Variants in KIAA1549L observed in about 807,000 individuals in gnomAD.
The protein encoded by KIAA1549L is UPF0606 protein KIAA1549L.
In KIAA1549L, 88 loss-of-function variants were observed where a neutral mutation model predicts 160.7. That is an observed-to-expected ratio of 0.55 (90% CI 0.46 to 0.65). KIAA1549L has a LOEUF of 0.65. Among genes scored for constraint, KIAA1549L ranks in the 30% least tolerant of loss-of-function variants. KIAA1549L has a pLI of 0.00. For synonymous variants in KIAA1549L, 950 were observed against 976.7 expected, an observed-to-expected ratio of 0.97 and a Z score of 0.51; for missense variants, 2,258 against 2,437.5, an observed-to-expected ratio of 0.93 and a Z score of 1.55.
chr11:33,667,795 C>A (rs1852522794), intron 20 of KIAA1549L, 78 bp from the exon 21 acceptor site: 2 of 1,288,982 alleles, frequency 1.6e-6, no homozygotes, highest in African/African-American at 1.5e-5. Context: ...CCTCCTGCTT[C>A]CAGTGTCAAG....
chr11:33,598,804 C>T lies in KIAA1549L; in HGVS notation c.4752-16C>T, dbSNP rs372905748. On this transcript the variant is annotated splice_polypyrimidine_tract_variant and intron_variant, in intron 12 of 20. Transcript: ENST00000658780. Reference sequence around the variant, plus strand: ...TTGAAACTTACCGTCTCCCCTGTTGCTATGGTTACCTCCAGCAGGTCGCCC... The same window carrying T: ...TTGAAACTTACCGTCTCCCCTGTTGTTATGGTTACCTCCAGCAGGTCGCCC... 1.5e-5 allele frequency: 24 copies of T among 1,613,588 alleles called. No homozygotes were observed. In the African/African-American group the frequency reaches 2.9e-4, roughly 20 times the overall value.
In KIAA1549L at chr11:33,668,910, C is replaced by T. The variant is rs1852578704; in HGVS notation, c.*756C>T. 1.3e-5 allele frequency: 2 copies of T among 152,256 alleles called. No individual in the cohort carries two copies. Among genetic ancestry groups the T allele is most frequent in the Non-Finnish European group, 2.9e-5 (2 of 68,010 alleles). The allele number at this position is 152,256 out of a possible 1,614,324, so 9.4% of individuals were successfully genotyped here. ...AGTTAGGATCTAACTGAAAGAGAATCGGTGCTAAGAGCTTTTAGGATCCTA... is the reference window on the plus strand; with the variant it reads ...AGTTAGGATCTAACTGAAAGAGAATTGGTGCTAAGAGCTTTTAGGATCCTA... On this transcript the variant is annotated 3_prime_UTR_variant, in exon 21 of 21. Transcript: ENST00000658780.
At chr11:33,649,138 G>A (rs867975723) in intron 17 of KIAA1549L, among the ~76,000 whole-genome samples, 14 of 152,160 alleles carry the variant, frequency 9.2e-5, no homozygotes, top group Middle Eastern at 3.4e-3. Flanking sequence ...CTTTCTACCC[G>A]CTGGGTGACT....
intron 10 of KIAA1549L, among the ~76,000 whole-genome samples, chr11:33,578,307 A>G (rs1855523462): frequency 6.6e-6 from 1 of 152,130 alleles, no homozygotes; most frequent in Non-Finnish European, 1.5e-5. Flanking sequence ...GAGAGTCGAG[A>G]TTCAAACTCT....
intron 17 of KIAA1549L, among the ~76,000 whole-genome samples, chr11:33,651,672 C>T (rs1180227257): frequency 1.3e-5 from 2 of 152,104 alleles, no homozygotes; most frequent in Non-Finnish European, 2.9e-5. Context: ...TTATCTTCAC[C>T]AGATCCCTCC....
chr11:33,456,783 G>T (rs1851832751), intron 1 of KIAA1549L, among the ~76,000 whole-genome samples: 1 of 152,102 alleles, frequency 6.6e-6, no homozygotes, highest in South Asian at 2.1e-4. Flanking sequence ...AAACCAATAA[G>T]TCTCTTTCCC....
intron 1 of KIAA1549L, among the ~76,000 whole-genome samples, chr11:33,404,607 G>A (rs1418635219): frequency 6.6e-6 from 1 of 151,968 alleles, no homozygotes; most frequent in East Asian, 1.9e-4. Context: ...AAAATAAAAA[G>A]AAAAAGAGAT....
intron 12 of KIAA1549L, among the ~76,000 whole-genome samples, chr11:33,595,518 C>T (rs1405024171): frequency 1.3e-5 from 2 of 152,184 alleles, no homozygotes; most frequent in East Asian, 3.8e-4. Context: ...CATGAGCCAC[C>T]ATGCCTGGCC....
At chr11:33,621,522 T>C (rs1221420113) in intron 16 of KIAA1549L, among the ~76,000 whole-genome samples, 1 of 152,228 alleles carries the variant, frequency 6.6e-6, no homozygotes, top group African/African-American at 2.4e-5. Flanking sequence ...TTGAACTTAA[T>C]TCATCCCTAT....
chr11:33,442,215 A>C (rs1480350832), intron 1 of KIAA1549L, among the ~76,000 whole-genome samples: 2 of 152,178 alleles, frequency 1.3e-5, no homozygotes, highest in Non-Finnish European at 2.9e-5. Flanking sequence ...AGGTTTGTCA[A>C]AGGTCAGATA....
intron 1 of KIAA1549L, among the ~76,000 whole-genome samples, chr11:33,379,005 GT>G (rs1274772264): frequency 1.3e-5 from 2 of 152,174 alleles, no homozygotes; most frequent in Admixed American, 1.3e-4. Flanking sequence ...AAACAACCTA[GT>G]TTGGAACTTT....
chr11:33,525,372 A>C (rs1853588453), intron 1 of KIAA1549L, among the ~76,000 whole-genome samples: 1 of 152,064 alleles, frequency 6.6e-6, no homozygotes, highest in Non-Finnish European at 1.5e-5. Context: ...GAGCTGAGAG[A>C]AGTATAAAAA....
In KIAA1549L at chr11:33,667,990, G is replaced by A. The variant is rs767178654; in HGVS notation, c.6277G>A (p.Ala2093Thr). Residue 2093 changes from alanine (A) to threonine (T), a missense_variant, in exon 21 of 21, where the codon GCC (alanine) becomes ACC (threonine). Ala to Thr is a moderately conservative substitution (Grantham distance 58, BLOSUM62 0). Around this residue, in one of 6 missense-constraint regions of KIAA1549L, gnomAD observed 1,359 missense variants for 1,546.6 expected, o/e 0.88. Transcript: ENST00000658780. ...PANLHPSLEQ[A>T]PAPSTAASQQ... is the part of the protein sequence containing the mutation. ...CAACCTGCACCCCAGCCTGGAGCAG[G>A]CCCCGGCGCCCTCCACAGCGGCCTC... 2.5e-6 allele frequency: 4 copies of A among 1,613,790 alleles called. No individual in the cohort carries two copies. In the African/African-American group the frequency reaches 4.0e-5, roughly 16 times the overall value.
intron 1 of KIAA1549L, among the ~76,000 whole-genome samples, chr11:33,401,668 C>T (rs1022579577): frequency 2.0e-5 from 3 of 151,996 alleles, no homozygotes; most frequent in Admixed American, 1.3e-4. Context: ...TTCAACCGAT[C>T]CTCCCACCTC....
At chr11:33,491,950 A>G (rs1852675505) in intron 1 of KIAA1549L, among the ~76,000 whole-genome samples, 1 of 152,218 alleles carries the variant, frequency 6.6e-6, no homozygotes. Context: ...GGAGGTCAGA[A>G]TAGGTGAGGT....
chr11:33,574,026 A>G (rs1260037501), intron 9 of KIAA1549L, among the ~76,000 whole-genome samples: 1 of 152,226 alleles, frequency 6.6e-6, no homozygotes, highest in Non-Finnish European at 1.5e-5. Flanking sequence ...ATGACAAATA[A>G]TTTTGTAAAC....
intron 12 of KIAA1549L, among the ~76,000 whole-genome samples, chr11:33,591,937 G>C (rs979502246): frequency 6.6e-6 from 1 of 152,238 alleles, no homozygotes; most frequent in Non-Finnish European, 1.5e-5. Context: ...CGAGGATGAG[G>C]TATTGGTGCC....
At chr11:33,402,659 T>C (rs1004625318) in intron 1 of KIAA1549L, among the ~76,000 whole-genome samples, 2 of 152,212 alleles carry the variant, frequency 1.3e-5, no homozygotes, top group African/African-American at 2.4e-5. Context: ...GAGGATTCCA[T>C]ATAAGGATCC....
chr11:33,541,740 CT>C (rs753173493), intron 1 of KIAA1549L, 61 bp from the exon 2 acceptor site: 27 of 214,282 alleles, frequency 1.3e-4, no homozygotes, highest in Non-Finnish European at 2.1e-4. Context: ...TCTCCAGCAC[CT>C]GACCACAGCA....
Sources: allele counts gnomAD v4.1 joint callset (sites outside exome capture counted in the v4.1 genomes callset), GRCh38; gene constraint gnomAD v4.1.1; regional missense constraint gnomAD v4.1.1; transcripts MANE v1.5; gene names NCBI Gene and HGNC (gene_info 2026-07-23, HGNC 2026-07-21).